The following TCF20 variants were observed in gnomAD, a reference collection of about 807,000 sequenced individuals.
The protein encoded by TCF20 is SPRE-binding protein.
A neutral mutation model predicts 148.6 loss-of-function variants in TCF20; 3 were observed. That is an observed-to-expected ratio of 0.02 (90% CI 0.01 to 0.05). TCF20 has a LOEUF of 0.05. Among genes scored for constraint, TCF20 ranks in the 10% least tolerant of loss-of-function variants. TCF20 has a pLI of 1.00. For missense variants in TCF20, 2,350 were observed against 2,429.3 expected, an observed-to-expected ratio of 0.97 and a Z score of 0.69; for synonymous variants, 1,049 against 909.5, an observed-to-expected ratio of 1.15 and a Z score of -2.76.
At chr22:42,270,755 G>GGGCGC (rs1289178103), upstream of TCF20, among the ~76,000 whole-genome samples, 1 of 144,708 alleles carries the variant, frequency 6.9e-6, no homozygotes, top group Non-Finnish European at 1.5e-5. Context: ...GGCGGGGGCG[G>GGGCGC]GGCGCTGGGG....
At chr22:42,179,258 C>T (rs185090585) in intron 3 of TCF20, among the ~76,000 whole-genome samples, 1 of 151,888 alleles carries the variant, frequency 6.6e-6, no homozygotes, top group Non-Finnish European at 1.5e-5. Flanking sequence ...CACACAAATG[C>T]TTGCATGTGA....
intron 3 of TCF20, among the ~76,000 whole-genome samples, chr22:42,177,503 G>A (rs912628067): frequency 2.0e-5 from 3 of 152,158 alleles, no homozygotes; most frequent in Non-Finnish European, 4.4e-5. Context: ...CCACTGAAGG[G>A]ACTAAAAGTC....
chr22:42,329,495 G>C (rs752259520), intron 1 of TCF20, among the ~76,000 whole-genome samples: 1 of 152,256 alleles, frequency 6.6e-6, no homozygotes, highest in African/African-American at 2.4e-5. Flanking sequence ...AGCGGGGCTC[G>C]AGGCTGGGAG....
chr22:42,269,443 A>T (rs1468931331), intron 1 of TCF20, among the ~76,000 whole-genome samples: 1 of 152,122 alleles, frequency 6.6e-6, no homozygotes. Context: ...CAAGCAGAGG[A>T]AGACGGCCGC....
chr22:42,330,126 C>T (rs1244041091), intron 1 of TCF20, among the ~76,000 whole-genome samples: 1 of 152,206 alleles, frequency 6.6e-6, no homozygotes, highest in South Asian at 2.1e-4. Context: ...AGCAGACAAC[C>T]CCTGGCCAGG....
At chr22:42,341,085 A>T (rs1928159165) in intron 1 of TCF20, among the ~76,000 whole-genome samples, 1 of 152,066 alleles carries the variant, frequency 6.6e-6, no homozygotes, top group Non-Finnish European at 1.5e-5. Context: ...CAGAGGCCGG[A>T]GGGACGGCCC....
chr22:42,172,874 C>T (rs974193639), intron 3 of TCF20, among the ~76,000 whole-genome samples: 2 of 152,132 alleles, frequency 1.3e-5, no homozygotes, highest in Non-Finnish European at 1.5e-5. Flanking sequence ...CCTGCCTTGC[C>T]GAAGGGTAGG....
chr22:42,169,184 A>T (rs890337932), intron 4 of TCF20, among the ~76,000 whole-genome samples: 1 of 151,622 alleles, frequency 6.6e-6, no homozygotes, highest in Non-Finnish European at 1.5e-5. Context: ...AGGAAACATC[A>T]GGTGGCAGTG....
chr22:42,253,673 A>G (rs1269220434), intron 1 of TCF20, among the ~76,000 whole-genome samples: 1 of 152,234 alleles, frequency 6.6e-6, no homozygotes, highest in Non-Finnish European at 1.5e-5. Flanking sequence ...CCCTGAAAAC[A>G]GTAGAGTGAA....
chr22:42,211,754 T>A lies in TCF20; in HGVS notation c.3552A>T (p.Leu1184Phe). ...GMELKHGSQK[L>F]QESCWDLSRQ... Reference sequence around the variant, plus strand: ...GAGAAAGATCCCAACAGGATTCTTGTAACTTCTGGGAGCCATGCTTTAATT... The same window carrying A: ...GAGAAAGATCCCAACAGGATTCTTGAAACTTCTGGGAGCCATGCTTTAATT... The change falls in exon 2 of 6, where the codon TTA becomes TTT. Residue 1184 changes from leucine (L) to phenylalanine (F), a missense_variant. By Grantham distance (22) the Leu-to-Phe change is conservative. Coordinates refer to ENST00000677622, the MANE Select transcript of TCF20 (RefSeq NM_001378418.1). 6.2e-7 allele frequency: 1 copy of A among 1,614,232 alleles called. No homozygotes were observed. Among genetic ancestry groups the A allele is most frequent in the Non-Finnish European group, 8.5e-7 (1 of 1,180,042 alleles).
intron 2 of TCF20, among the ~76,000 whole-genome samples, chr22:42,202,700 G>A: frequency 6.6e-6 from 1 of 152,200 alleles, no homozygotes; most frequent in East Asian, 1.9e-4. Context: ...GTGCGGAGGA[G>A]GAACCTCCAT....
chr22:42,187,311 T>C (rs1569118578), intron 2 of TCF20, among the ~76,000 whole-genome samples: 2 of 152,208 alleles, frequency 1.3e-5, no homozygotes, highest in African/African-American at 4.8e-5. Flanking sequence ...TGATCATCTT[T>C]CAAGCATAAT....
At chr22:42,235,535 ATTTT>A (rs1923810195) in intron 1 of TCF20, among the ~76,000 whole-genome samples, 1 of 152,214 alleles carries the variant, frequency 6.6e-6, no homozygotes, top group African/African-American at 2.4e-5. Context: ...TAGAAATAGG[ATTTT>A]ATTTTAGTAA....
intron 3 of TCF20, among the ~76,000 whole-genome samples, chr22:42,172,015 A>G (rs1394921551): frequency 6.6e-6 from 1 of 152,256 alleles, no homozygotes; most frequent in Non-Finnish European, 1.5e-5. Flanking sequence ...TTAGAAGCAG[A>G]AAAGAGTAAG....
chr22:42,319,579 T>C (rs1040307985), intron 1 of TCF20, among the ~76,000 whole-genome samples: 1 of 152,196 alleles, frequency 6.6e-6, no homozygotes, highest in African/African-American at 2.4e-5. Flanking sequence ...CAGAATCAAA[T>C]GAGGAAGCAA....
At chr22:42,246,018 C>G (rs968433980) in intron 1 of TCF20, among the ~76,000 whole-genome samples, 14 of 152,228 alleles carry the variant, frequency 9.2e-5, no homozygotes, top group African/African-American at 3.1e-4. Flanking sequence ...TCCCCAAACT[C>G]TGAAAAATGG....
rs1439052245 is a variant in TCF20 at position 42,211,055 on chromosome 22, G to A, written c.4251C>T (p.Val1417=). ...KRKGEVASDL[V]SPANQELHVE... ...CGTGCAACTCCTGGTTTGCTGGACT[G>A]ACTAGGTCCGAAGCCACCTCACCTT... Residue 1417 remains valine (V), a synonymous_variant, in exon 2 of 6, where the codon GTC becomes GTT. Transcript: ENST00000677622. 1.2e-6 allele frequency: 2 copies of A among 1,614,038 alleles called. No individual in the cohort carries two copies. Among genetic ancestry groups the A allele is most frequent in the Non-Finnish European group, 1.7e-6 (2 of 1,180,040 alleles).
chr22:42,198,665 G>GATT (rs558210450), intron 2 of TCF20, among the ~76,000 whole-genome samples: 9 of 140,582 alleles, frequency 6.4e-5, no homozygotes, highest in Admixed American at 2.1e-4. Flanking sequence ...ATTTTTCCAA[G>GATT]TTTTTTTTTT....
chr22:42,234,841 G>A (rs1248147752), intron 1 of TCF20, among the ~76,000 whole-genome samples: 1 of 152,102 alleles, frequency 6.6e-6, no homozygotes, highest in Non-Finnish European at 1.5e-5. Flanking sequence ...GATCATTTCG[G>A]TAGCATAAGA....
Sources: gnomAD v4.1 joint callset for allele counts (sites outside exome capture counted in the v4.1 genomes callset) on GRCh38, gnomAD v4.1.1 for gene constraint, MANE v1.5 for transcripts, NCBI Gene and HGNC (gene_info 2026-07-23, HGNC 2026-07-21) for gene names.